The following KCNJ15 variants were observed in gnomAD, a reference collection of about 807,000 sequenced individuals.
The protein encoded by KCNJ15 is potassium inwardly rectifying channel subfamily J member 15.
In KCNJ15, 14 loss-of-function variants were observed where a neutral mutation model predicts 23.0. That is an observed-to-expected ratio of 0.61 (90% CI 0.40 to 0.95). The LOEUF is 0.95. Among genes scored for constraint, KCNJ15 ranks in the 40% least tolerant of loss-of-function variants. The pLI is 0.00. For missense variants in KCNJ15, 388 were observed against 461.8 expected (o/e 0.84, Z 1.46); for synonymous variants, 185 against 183.2 (o/e 1.01, Z -0.08).
chr21:38,282,732 A>T (rs1251001610), intron 1 of KCNJ15, among the ~76,000 whole-genome samples: 2 of 152,108 alleles, frequency 1.3e-5, no homozygotes. Context: ...TTAAACATTA[A>T]GTTCCTACCA....
At chr21:38,233,196 T>C (rs940528793) in intron 1 of KCNJ15, among the ~76,000 whole-genome samples, 3 of 152,062 alleles carry the variant, frequency 2.0e-5, no homozygotes, top group African/African-American at 7.2e-5. Context: ...TTATCATTAT[T>C]ATGTGTCTTC....
rs1841059157 is a variant in KCNJ15, at chr21:38,306,549, T to C, written c.*6160T>C. ...TTCACTGTAGTTTTAGCTGTATTCTTTCATCTGCAATCAAATCTCAGGATT... is the reference window on the plus strand; with the variant it reads ...TTCACTGTAGTTTTAGCTGTATTCTCTCATCTGCAATCAAATCTCAGGATT... On this transcript the variant is annotated 3_prime_UTR_variant, in exon 3 of 3. Coordinates refer to ENST00000398938, the MANE Select transcript of KCNJ15 (RefSeq NM_170736.3). 1 of 152,212 alleles carries C rather than the reference T, an allele frequency of 6.6e-6. No individual in the cohort carries two copies. The highest frequency in any genetic ancestry group is 1.5e-5 in the Non-Finnish European group (1 of 68,044). The allele number at this position is 152,212 out of a possible 1,614,324, so 9.4% of individuals were successfully genotyped here.
At chr21:38,274,053 T>C (rs900958065) in intron 1 of KCNJ15, among the ~76,000 whole-genome samples, 7 of 152,240 alleles carry the variant, frequency 4.6e-5, no homozygotes, top group African/African-American at 1.7e-4. Context: ...GTGGTATTTG[T>C]AAACCTGGGC....
intron 1 of KCNJ15, among the ~76,000 whole-genome samples, chr21:38,273,300 TAACTCTTACTGGC>T (rs2123653143): frequency 6.6e-6 from 1 of 152,342 alleles, no homozygotes; most frequent in African/African-American, 2.4e-5. Flanking sequence ...AAGGCCTGGT[TAACTCTTACTGGC>T]AATGTTTGAA....
At position 38,306,191 on chromosome 21, in the gene KCNJ15, A is replaced by G. The variant is rs1428414152; in HGVS notation, c.*5802A>G. On this transcript the variant is annotated 3_prime_UTR_variant, in exon 3 of 3. Coordinates refer to ENST00000398938, the MANE Select transcript of KCNJ15 (RefSeq NM_170736.3). ...GTTAGCAACCCTTGCCACATGATGTAGTACTTAGCTATAATTTTATTTTTA... is the reference window on the plus strand; with the variant it reads ...GTTAGCAACCCTTGCCACATGATGTGGTACTTAGCTATAATTTTATTTTTA... The G allele has an allele frequency of 2.0e-5, 3 of 152,220 alleles. No individual in the cohort carries two copies. Among genetic ancestry groups the G allele is most frequent in the African/African-American group, 7.2e-5 (3 of 41,454 alleles). The allele number at this position is 152,220 out of a possible 1,614,324, so 9.4% of individuals were successfully genotyped here. A position where few individuals can be genotyped will look rare whatever the true frequency, so the allele number is the denominator to read the frequency against.
chr21:38,231,399 C>T (rs1028235285), intron 1 of KCNJ15, among the ~76,000 whole-genome samples: 28 of 151,690 alleles, frequency 1.8e-4, no homozygotes, highest in Non-Finnish European at 3.0e-4. Flanking sequence ...AAGAACTTTT[C>T]CTTATGTTTT....
upstream of KCNJ15, among the ~76,000 whole-genome samples, chr21:38,254,026 C>T (rs903085081): frequency 6.6e-6 from 1 of 152,170 alleles, no homozygotes; most frequent in Non-Finnish European, 1.5e-5. Context: ...CTAGATTTCC[C>T]ACTTTACTCC....
At chr21:38,250,051 T>C (rs1478455191) in intron 1 of KCNJ15, among the ~76,000 whole-genome samples, 1 of 152,202 alleles carries the variant, frequency 6.6e-6, no homozygotes, top group African/African-American at 2.4e-5. Flanking sequence ...TAGATTTTTA[T>C]GACAACTGGG....
intron 1 of KCNJ15, among the ~76,000 whole-genome samples, chr21:38,275,660 C>A (rs1160165776): frequency 6.6e-6 from 1 of 151,956 alleles, no homozygotes; most frequent in Non-Finnish European, 1.5e-5. Context: ...ATTTTATTGT[C>A]CTGTGTCAGA....
At chr21:38,239,450 T>C (rs910762867) in intron 1 of KCNJ15, among the ~76,000 whole-genome samples, 1 of 152,244 alleles carries the variant, frequency 6.6e-6, no homozygotes, top group African/African-American at 2.4e-5. Context: ...GCGAAGCCTC[T>C]TCTGGGGTCC....
At chr21:38,287,012 A>G (rs895112916) in intron 1 of KCNJ15, among the ~76,000 whole-genome samples, 1 of 152,228 alleles carries the variant, frequency 6.6e-6, no homozygotes, top group African/African-American at 2.4e-5. Context: ...TTGGAAAAGT[A>G]TAATTTTGTT....
intron 1 of KCNJ15, among the ~76,000 whole-genome samples, chr21:38,244,205 G>A (rs1167967576): frequency 6.6e-6 from 1 of 152,026 alleles, no homozygotes; most frequent in Non-Finnish European, 1.5e-5. Context: ...TGGTTAAACT[G>A]GTTTCGAACC....
At chr21:38,255,956 G>A (rs553047594), upstream of KCNJ15, among the ~76,000 whole-genome samples, 4 of 152,350 alleles carry the variant, frequency 2.6e-5, no homozygotes, top group Non-Finnish European at 5.9e-5. Context: ...GAAACAGACC[G>A]TTTGCGTCTC....
chr21:38,290,243 T>G (rs1359834881), intron 1 of KCNJ15, among the ~76,000 whole-genome samples: 1 of 152,188 alleles, frequency 6.6e-6, no homozygotes, highest in Non-Finnish European at 1.5e-5. Context: ...TAAACTTGTC[T>G]TTGTCGAGTA....
At position 38,300,330 on chromosome 21, in the gene KCNJ15, C is replaced by T; in HGVS notation, c.1069C>T (p.Gln357Ter). The change falls in exon 3 of 3, where the codon CAG (glutamine) becomes TAG (stop). Residue 357 changes from glutamine to a stop codon, truncating the protein, a stop_gained. Coordinates refer to ENST00000398938, the MANE Select transcript of KCNJ15 (RefSeq NM_170736.3). LOFTEE classifies it high-confidence loss of function. ...ACAGCAACTCGAGGAGAAGTACAGG[C>T]AGGAGGATCAGAGGGAAAGAGAACT... ...EKQQLEEKYR[Q>*]EDQRERELRT... 2.5e-6 allele frequency: 4 copies of T among 1,614,032 alleles called. No homozygotes were observed. Among genetic ancestry groups the T allele is most frequent in the Non-Finnish European group, 3.4e-6 (4 of 1,179,924 alleles).
chr21:38,259,710 A>G (rs1980682335), intron 1 of KCNJ15, among the ~76,000 whole-genome samples: 1 of 152,036 alleles, frequency 6.6e-6, no homozygotes, highest in Non-Finnish European at 1.5e-5. Context: ...CCACCTCAGG[A>G]GTGGGGCTTT....
rs11910481 is a variant in KCNJ15, at chr21:38,304,907, A to G, written c.*4518A>G. On this transcript the variant is annotated 3_prime_UTR_variant, in exon 3 of 3. Coordinates refer to ENST00000398938, the MANE Select transcript of KCNJ15 (RefSeq NM_170736.3). Reference sequence around the variant, plus strand: ...TGTTAACCAGGATGGTCTCGATCTCATGACCTCGTGATCTGCCCGCCTACA... The same window carrying G: ...TGTTAACCAGGATGGTCTCGATCTCGTGACCTCGTGATCTGCCCGCCTACA... The G allele has an allele frequency of 1.3e-5, 2 of 150,210 alleles. No homozygotes were observed. Among genetic ancestry groups the G allele is most frequent in the African/African-American group, 2.4e-5 (1 of 40,888 alleles). 9.3% of individuals were successfully genotyped at this position (150,210 alleles called of 1,614,324 possible). A position where few individuals can be genotyped will look rare whatever the true frequency, so the allele number is the denominator to read the frequency against.
rs1386354517 is a variant in KCNJ15, at chr21:38,301,957, GTCACACAC to G, written c.*1569_*1576del. ...ATTCCCCCCACCAAGCACACACACA[GTCACACAC>G]GCACACACACACACATGCACACACG... On this transcript the variant is annotated 3_prime_UTR_variant, in exon 3 of 3. Coordinates refer to ENST00000398938, the MANE Select transcript of KCNJ15 (RefSeq NM_170736.3). 2 of 157,984 alleles carry G rather than the reference GTCACACAC, an allele frequency of 1.3e-5. No homozygotes were observed. Among genetic ancestry groups the G allele is most frequent in the Admixed American group, 1.3e-4 (2 of 15,214 alleles). The allele number at this position is 157,984 out of a possible 1,614,324, so 9.8% of individuals were successfully genotyped here.
chr21:38,278,849 G>A (rs1399789441), intron 1 of KCNJ15, among the ~76,000 whole-genome samples: 2 of 152,154 alleles, frequency 1.3e-5, no homozygotes, highest in African/African-American at 4.8e-5. Context: ...GTTTCTGAAG[G>A]GTCAGTTTCA....
Sources: gnomAD v4.1 joint callset for allele counts (sites outside exome capture counted in the v4.1 genomes callset) on GRCh38, gnomAD v4.1.1 for gene constraint, MANE v1.5 for transcripts, NCBI Gene and HGNC (gene_info 2026-07-23, HGNC 2026-07-21) for gene names.